AVEN: variants seen among roughly 807,000 people sequenced by gnomAD.
AVEN encodes cell death regulator Aven.
Under a neutral mutation model 38.1 loss-of-function variants are expected in AVEN, and 41 were observed. The observed-to-expected ratio is 1.08, with a 90% CI of 0.84 to 1.40. The LOEUF is 1.40. Ranked by LOEUF, AVEN falls within the 40% of genes most tolerant of loss-of-function variation. The probability of loss-of-function intolerance (pLI) is 0.00; values close to 1 mark genes in which losing one functional copy is unlikely to be tolerated. For missense variants in AVEN, 605 were observed against 438.8 expected (o/e 1.38, Z -3.38); for synonymous variants, 206 against 171.8 (o/e 1.20, Z -1.56).
Position 33,859,581 on chromosome 15 carries a change from C to G in AVEN, n.2730-487G>C, listed in dbSNP as rs972426377. 1.2e-6 allele frequency: 2 copies of G among 1,613,938 alleles called. No individual in the cohort carries two copies. The highest frequency in any genetic ancestry group is 1.3e-5 in the African/African-American group (1 of 75,044). On this transcript the variant is annotated intron_variant and non_coding_transcript_variant, in intron 11 of 11. Coordinates refer to the AVEN transcript ENST00000675287. The stretch of plus-strand genomic sequence containing the variant: ...CCTTATTTTTCTTCTCTAGTGTTAC[C>G]TTTTCCACATGTACGTGGGAGTGAG...
chr15:33,985,812 A>AT (rs751320460), intron 2 of AVEN, among the ~76,000 whole-genome samples: 9 of 152,136 alleles, frequency 5.9e-5, no homozygotes, highest in Non-Finnish European at 8.8e-5. Flanking sequence ...TTTAAGCTTC[A>AT]TTCTATTAAT....
downstream of AVEN, among the ~76,000 whole-genome samples, chr15:33,857,132 A>G (rs1204490177): frequency 2.0e-5 from 3 of 152,156 alleles, no homozygotes; most frequent in Non-Finnish European, 4.4e-5. Context: ...TGCCCTATAC[A>G]TTAGTCTGCT....
intron 2 of AVEN, among the ~76,000 whole-genome samples, chr15:33,916,524 T>C (rs941327405): frequency 2.6e-5 from 4 of 152,054 alleles, no homozygotes; most frequent in Admixed American, 1.3e-4. Context: ...AAAAGTGGGC[T>C]AAGGACATGA....
intron 5 of AVEN, among the ~76,000 whole-genome samples, chr15:34,044,980 G>A (rs1242704735): frequency 4.6e-5 from 7 of 152,100 alleles, no homozygotes; most frequent in African/African-American, 1.2e-4. Flanking sequence ...CCTGGGAGGC[G>A]GAGCTTGCAG....
At chr15:33,868,756 G>C (rs1022273851) in intron 4 of AVEN, among the ~76,000 whole-genome samples, 1 of 151,912 alleles carries the variant, frequency 6.6e-6, no homozygotes, top group Non-Finnish European at 1.5e-5. Context: ...AGGTGAGCGA[G>C]TGCCTTTTGG....
chr15:34,001,283 A>G (rs1289840838), intron 2 of AVEN, among the ~76,000 whole-genome samples: 1 of 152,132 alleles, frequency 6.6e-6, no homozygotes, highest in Non-Finnish European at 1.5e-5. Context: ...CGGCCTCCCA[A>G]AGTGCTGGGA....
At chr15:33,873,389 T>C (rs1891079386) in intron 3 of AVEN, among the ~76,000 whole-genome samples, 1 of 150,310 alleles carries the variant, frequency 6.7e-6, no homozygotes, top group Admixed American at 6.6e-5. Flanking sequence ...CGTGAGCCAC[T>C]GCGCCCGCCC....
chr15:33,856,740 C>CCTCCG (rs2079708990), downstream of AVEN: 1 of 152,614 alleles, frequency 6.6e-6, no homozygotes, highest in Non-Finnish European at 1.5e-5. Flanking sequence ...CTTACTGCAA[C>CCTCCG]CTCCGACTCC....
intron 2 of AVEN, among the ~76,000 whole-genome samples, chr15:33,985,901 G>A (rs932089848): frequency 6.6e-6 from 1 of 152,132 alleles, no homozygotes; most frequent in Non-Finnish European, 1.5e-5. Context: ...CTCTAATACT[G>A]AAAGGTTCAT....
intron 2 of AVEN, among the ~76,000 whole-genome samples, chr15:33,919,217 G>GA (rs1398141217): frequency 3.3e-5 from 5 of 151,806 alleles, no homozygotes; most frequent in African/African-American, 1.2e-4. Context: ...GTGTTTTTAA[G>GA]AAAAAAATCC....
chr15:33,871,118 G>A (rs78634737), intron 3 of AVEN, 88 bp from the exon 4 acceptor site: 1 of 855,902 alleles, frequency 1.2e-6, no homozygotes, highest in Admixed American at 3.8e-5. Flanking sequence ...TAATCCACTG[G>A]AGTTACATTT....
At chr15:34,028,782 T>TG (rs1464451011) in intron 1 of AVEN, among the ~76,000 whole-genome samples, 1 of 151,868 alleles carries the variant, frequency 6.6e-6, no homozygotes, top group Non-Finnish European at 1.5e-5. Context: ...AACTAGCACA[T>TG]GGGGGGTGAG....
chr15:34,030,512 A>AT (rs1240972428), intron 1 of AVEN, among the ~76,000 whole-genome samples: 1 of 151,702 alleles, frequency 6.6e-6, no homozygotes, highest in Admixed American at 6.6e-5. Context: ...CGCCCGGCTA[A>AT]TTTTTTTGTA....
chr15:33,861,260 GA>G, downstream of AVEN: 4 of 1,035,124 alleles, frequency 3.9e-6, no homozygotes, highest in Non-Finnish European at 5.8e-6. Flanking sequence ...GTCTCTGCTG[GA>G]AAAAGAGTAA....
intron 2 of AVEN, among the ~76,000 whole-genome samples, chr15:33,889,935 A>G (rs1019134545): frequency 5.9e-5 from 9 of 152,138 alleles, no homozygotes; most frequent in African/African-American, 1.9e-4. Context: ...CTCTCCACCA[A>G]TGGGGTCAAG....
rs188396848 is a variant in AVEN, at chr15:34,013,030, C to A, written c.268-9821G>T. Among the ~76,000 whole-genome samples the A allele has an allele frequency of 3.8e-3, 575 of 151,970 alleles. 17 individuals carry two copies. The highest frequency in any genetic ancestry group is 0.035 in the Admixed American group (539 of 15,252). On this transcript the variant is annotated intron_variant, in intron 1 of 5. Coordinates refer to ENST00000306730, the MANE Select transcript of AVEN (RefSeq NM_020371.3). ...GAATGTAGCATACTAAGGACCTGAC[C>A]AGTGTCTCCTCCTATCACAGTGGTT...
At chr15:33,959,070 C>G (rs928304969) in intron 2 of AVEN, among the ~76,000 whole-genome samples, 1 of 152,162 alleles carries the variant, frequency 6.6e-6, no homozygotes, top group African/African-American at 2.4e-5. Flanking sequence ...ATGCTTGCCT[C>G]TGATTCTTCA....
intron 1 of AVEN, among the ~76,000 whole-genome samples, chr15:34,017,347 C>A (rs1220010878): frequency 6.6e-6 from 1 of 152,030 alleles, no homozygotes; most frequent in African/African-American, 2.4e-5. Context: ...AGCAGATTCC[C>A]CAAAGAATGA....
intron 2 of AVEN, among the ~76,000 whole-genome samples, chr15:33,997,339 T>G (rs1896976750): frequency 6.6e-6 from 1 of 151,872 alleles, no homozygotes; most frequent in Admixed American, 6.6e-5. Flanking sequence ...AGAAACAAAA[T>G]AGCCAAATGG....
Sources: allele counts gnomAD v4.1 joint callset (sites outside exome capture counted in the v4.1 genomes callset), GRCh38; gene constraint gnomAD v4.1.1; transcripts MANE v1.5; gene names NCBI Gene and HGNC (gene_info 2026-07-23, HGNC 2026-07-21).